CYP2W1: variants seen among roughly 807,000 people sequenced by gnomAD.
CYP2W1 encodes the protein cytochrome P450 2W1.
In CYP2W1, 51 loss-of-function variants were observed where a neutral mutation model predicts 44.9. The observed-to-expected ratio is 1.14, with a 90% CI of 0.91 to 1.43. CYP2W1 has a LOEUF of 1.43. CYP2W1 is among the 40% of genes most tolerant of loss of function. The pLI is 0.00. For synonymous variants in CYP2W1, 383 were observed against 338.3 expected, an observed-to-expected ratio of 1.13 and a Z score of -1.45; for missense variants, 746 against 700.0, an observed-to-expected ratio of 1.07 and a Z score of -0.74.
At chr7:987,570 G>C (rs1343094527) in intron 7 of CYP2W1, 39 bp downstream of exon 7, 10 of 1,473,548 alleles carry the variant, frequency 6.8e-6, no homozygotes, top group East Asian at 2.5e-5. Context: ...ATCTCCTCTG[G>C]GGTAGGCCTC....
At chr7:987,782 G>C (rs1848482706) in intron 7 of CYP2W1, among the ~76,000 whole-genome samples, 1 of 152,128 alleles carries the variant, frequency 6.6e-6, no homozygotes, top group Non-Finnish European at 1.5e-5. Flanking sequence ...GTGTCCTGTG[G>C]GCATCCCTGT....
At chr7:987,011 C>A in intron 5 of CYP2W1, 96 bp from the exon 6 acceptor site, 1 of 1,406,410 alleles carries the variant, frequency 7.1e-7, no homozygotes, top group Non-Finnish European at 9.3e-7. Context: ...CCCAGATCAC[C>A]GGGGCATCCA....
At chr7:983,827 C>T (rs1405896312) in intron 1 of CYP2W1, among the ~76,000 whole-genome samples, 2 of 152,232 alleles carry the variant, frequency 1.3e-5, no homozygotes, top group Non-Finnish European at 2.9e-5. Flanking sequence ...GGGAAGAGGA[C>T]CTGTGCCTCC....
At position 985,311 on chromosome 7, in the gene CYP2W1, C is replaced by T; in HGVS notation, c.633C>T (p.Ser211=). ...ATGAGGTCATGGTCCTCTTGGGGTC[C>T]CCTGGCCTGCAGGTGAGGAGCTGCC... The part of the protein sequence containing the change: ...LIDEVMVLLG[S]PGLQLFNVYP... The change falls in exon 4 of 9, where the codon TCC becomes TCT. Residue 211 remains serine (S), a synonymous_variant. Transcript: ENST00000308919. The T allele has an allele frequency of 6.4e-7, 1 of 1,550,672 alleles. No homozygotes were observed. The highest frequency in any genetic ancestry group is 8.7e-7 in the Non-Finnish European group (1 of 1,146,914).
Position 985,322 on chromosome 7 carries a change from A to C in CYP2W1, c.644A>C (p.Gln215Pro). 6.5e-7 allele frequency: 1 copy of C among 1,549,816 alleles called. No homozygotes were observed. Among genetic ancestry groups the C allele is most frequent in the Non-Finnish European group, 8.7e-7 (1 of 1,146,342 alleles). ...VMVLLGSPGLQLFNVYPWLGA... is the reference protein window; with the variant it reads ...VMVLLGSPGLPLFNVYPWLGA... Reference sequence around the variant, plus strand: ...GTCCTCTTGGGGTCCCCTGGCCTGCAGGTGAGGAGCTGCCTCCCATCCTTG... The same window carrying C: ...GTCCTCTTGGGGTCCCCTGGCCTGCCGGTGAGGAGCTGCCTCCCATCCTTG... The change falls in exon 4 of 9, where the codon CAG becomes CCG. Residue 215 changes from glutamine to proline, a missense_variant and splice_region_variant. Transcript: ENST00000308919.
Position 984,584 on chromosome 7 carries a change from T to C in CYP2W1, c.337+10T>C, listed in dbSNP as rs1170143839. 3.2e-6 allele frequency: 5 copies of C among 1,558,140 alleles called. No individual in the cohort carries two copies. Among genetic ancestry groups the C allele is most frequent in the Admixed American group, 3.7e-5 (2 of 53,608 alleles). ...ATCCAGCGAGGTGGAGGTCGGTGTG[T>C]GGCCGGCGCTACGGGGCCTACTGGG... On this transcript the variant is annotated intron_variant, in intron 2 of 8. Coordinates refer to ENST00000308919, the MANE Select transcript of CYP2W1 (RefSeq NM_017781.3).
Position 987,102 on chromosome 7 carries a change from T to C in CYP2W1, c.820-5T>C. On this transcript the variant is annotated splice_region_variant and splice_polypyrimidine_tract_variant and intron_variant, in intron 5 of 8. Transcript: ENST00000308919. Reference sequence around the variant, plus strand: ...TCCCACGAGCCCTGCCCCACGCCTCTGCAGGGGGATGACCCCGAGGGCCTG... The same window carrying C: ...TCCCACGAGCCCTGCCCCACGCCTCCGCAGGGGGATGACCCCGAGGGCCTG... The C allele has an allele frequency of 6.5e-7, 1 of 1,536,144 alleles. No individual in the cohort carries two copies. The highest frequency in any genetic ancestry group is 1.2e-5 in the South Asian group (1 of 80,954).
chr7:986,863 C>T (rs572638922), intron 5 of CYP2W1, 66 bp downstream of exon 5: 151 of 1,433,342 alleles, frequency 1.1e-4, no homozygotes, highest in African/African-American at 5.7e-4. Flanking sequence ...CAGGGGAGCA[C>T]GGCTGGGGAG....
At chr7:988,201 GA>G in intron 7 of CYP2W1, 75 bp from the exon 8 acceptor site, 1 of 1,477,796 alleles carries the variant, frequency 6.8e-7, no homozygotes, top group Non-Finnish European at 9.1e-7. Context: ...CTACATCCTG[GA>G]ATGAAACTTC....
At position 987,471 on chromosome 7, in the gene CYP2W1, G is replaced by T; in HGVS notation, c.1083G>T (p.Leu361=). The change falls in exon 7 of 9, where the codon CTG becomes CTT. Residue 361 remains leucine, a synonymous_variant. Transcript: ENST00000308919. ...LHEVQRFITL[L]PHVPRCTAAD... Reference sequence around the variant, plus strand: ...AGGTGCAGCGGTTCATCACGCTCCTGCCGCACGTGCCCCGCTGCACCGCGG... The same window carrying T: ...AGGTGCAGCGGTTCATCACGCTCCTTCCGCACGTGCCCCGCTGCACCGCGG... 3 of 1,561,032 alleles carry T rather than the reference G, an allele frequency of 1.9e-6. No individual in the cohort carries two copies. The highest frequency in any genetic ancestry group is 2.6e-6 in the Non-Finnish European group (3 of 1,161,388).
In CYP2W1 at chr7:987,156, C is replaced by A; in HGVS notation, c.869C>A (p.Thr290Asn). 1 of 1,577,980 alleles carries A rather than the reference C, an allele frequency of 6.3e-7. No homozygotes were observed. The highest frequency in any genetic ancestry group is 8.6e-7 in the Non-Finnish European group (1 of 1,162,632). The stretch of plus-strand genomic sequence containing the variant: ...GCTGAGGCCAACGCGGTGGCCTGCA[C>A]CCTGGACATGGTCATGGCCGGGACG... The part of the protein sequence containing the change: ...LFAEANAVAC[T>N]LDMVMAGTET... The change falls in exon 6 of 9, where the codon ACC (threonine) becomes AAC (asparagine). Residue 290 changes from threonine to asparagine, a missense_variant. Thr to Asn is a moderately conservative substitution (Grantham distance 65, BLOSUM62 0). Transcript: ENST00000308919.
intron 1 of CYP2W1, among the ~76,000 whole-genome samples, chr7:983,790 G>T: frequency 6.6e-6 from 1 of 152,202 alleles, no homozygotes; most frequent in East Asian, 1.9e-4. Flanking sequence ...TCCCACTTTT[G>T]AGCCTCTGTT....
intron 7 of CYP2W1, among the ~76,000 whole-genome samples, chr7:988,002 G>GGGGGCTCCCCTCTGTGTGTCCT (rs1848519568): frequency 1.0e-5 from 1 of 97,896 alleles, no homozygotes; most frequent in Admixed American, 1.0e-4. Context: ...TGTGTGTCCT[G>GGGGGCTCCCCTCTGTGTGTCCT]GGGGGTCCCC....
chr7:984,510 C>T lies in CYP2W1; in HGVS notation c.273C>T (p.Gly91=), dbSNP rs1259484898. The change falls in exon 2 of 9, where the codon GGC becomes GGT. Residue 91 remains glycine (G), a synonymous_variant. Coordinates refer to ENST00000308919, the MANE Select transcript of CYP2W1 (RefSeq NM_017781.3). ...AGGCGGTCAAAGAGGCGCTGGCGGG[C>T]CCCGGGCAGGAGCTGGCCGACCGGC... ...GFEAVKEALA[G]PGQELADRPP... The T allele has an allele frequency of 2.3e-5, 35 of 1,552,128 alleles. No homozygotes were observed. Among genetic ancestry groups the T allele is most frequent in the Non-Finnish European group, 2.9e-5 (33 of 1,148,986 alleles).
rs570748638 is a variant in CYP2W1 at position 988,375 on chromosome 7, T to C, written c.1242T>C (p.Asn414=). Reference sequence around the variant, plus strand: ...ACCCCGGCCATTTCCTGGACGCGAATGGGCACTTTGTGAAGCGGGAGGCCT... The same window carrying C: ...ACCCCGGCCATTTCCTGGACGCGAACGGGCACTTTGTGAAGCGGGAGGCCT... ...QFNPGHFLDA[N]GHFVKREAFL... The change falls in exon 8 of 9, where the codon AAT becomes AAC. Residue 414 remains asparagine, a synonymous_variant. Transcript: ENST00000308919. 3 of 1,612,544 alleles carry C rather than the reference T, an allele frequency of 1.9e-6. No individual in the cohort carries two copies. Among genetic ancestry groups the C allele is most frequent in the African/African-American group, 2.7e-5 (2 of 74,886 alleles).
At position 987,260 on chromosome 7, in the gene CYP2W1, C is replaced by T; in HGVS notation, c.958+15C>T. On this transcript the variant is annotated intron_variant, in intron 6 of 8. Transcript: ENST00000308919. ...GGACGTGCAGGGTGAGACCCCGGCG[C>T]CTGGCGAGACGGCTCCTTCTGCCCC... The T allele has an allele frequency of 6.6e-7, 1 of 1,507,324 alleles. No individual in the cohort carries two copies. Among genetic ancestry groups the T allele is most frequent in the Non-Finnish European group, 8.9e-7 (1 of 1,124,572 alleles). The allele number at this position is 1,507,324 out of a possible 1,614,324, so 93.4% of individuals were successfully genotyped here.
rs1583238650 is a variant in CYP2W1 at position 987,549 on chromosome 7, T to C, written c.1143+18T>C. 3.3e-6 allele frequency: 5 copies of C among 1,503,262 alleles called. No homozygotes were observed. Among genetic ancestry groups the C allele is most frequent in the Non-Finnish European group, 4.4e-6 (5 of 1,124,602 alleles). 93.1% of individuals were successfully genotyped at this position (1,503,262 alleles called of 1,614,324 possible). A position where few individuals can be genotyped will look rare whatever the true frequency, so the allele number is the denominator to read the frequency against. On this transcript the variant is annotated intron_variant, in intron 7 of 8. Transcript: ENST00000308919. ...TCCCCAAGGTGGGGCTGGGCCTCCC[T>C]TGCCCCTTCCATCTCCTCTGGGGTA...
chr7:988,565 G>T (rs1217332270), intron 8 of CYP2W1, 70 bp from the exon 9 acceptor site: 4 of 1,598,946 alleles, frequency 2.5e-6, no homozygotes, highest in Non-Finnish European at 3.4e-6. Flanking sequence ...CTCCCCTGGG[G>T]AGGTCCCCAC....
intron 1 of CYP2W1, among the ~76,000 whole-genome samples, chr7:983,621 G>A (rs1285213578): frequency 2.6e-5 from 4 of 152,228 alleles, no homozygotes; most frequent in East Asian, 1.9e-4. Context: ...CCCAGGGCCC[G>A]GCGCGGGAGC....
Sources: allele counts gnomAD v4.1 joint callset (sites outside exome capture counted in the v4.1 genomes callset), GRCh38; gene constraint gnomAD v4.1.1; transcripts MANE v1.5; gene names NCBI Gene and HGNC (gene_info 2026-07-23, HGNC 2026-07-21).